The following DNAAF1 variants were observed in gnomAD, a reference collection of about 807,000 sequenced individuals.
DNAAF1 encodes the protein dynein assembly factor 1, axonemal.
Under a neutral mutation model 71.1 loss-of-function variants are expected in DNAAF1, and 65 were observed. The ratio of observed to expected loss-of-function variants is 0.91; its 90% CI spans 0.75 to 1.12. DNAAF1 has a LOEUF of 1.12. Ranked by LOEUF, DNAAF1 falls within the 50% of genes most tolerant of loss-of-function variation. The pLI is 0.00. For missense variants in DNAAF1, 1,178 were observed against 899.8 expected (o/e 1.31, Z -3.96); for synonymous variants, 414 against 354.6 (o/e 1.17, Z -1.88).
In DNAAF1 at chr16:84,176,258, G is replaced by A; in HGVS notation, c.2024G>A (p.Ser675Asn). The A allele has an allele frequency of 1.2e-6, 2 of 1,613,442 alleles. No individual in the cohort carries two copies. The highest frequency in any genetic ancestry group is 2.2e-5 in the East Asian group (1 of 44,856). ...AGAGATGCTGCACCACTCACTTCCA[G>A]TGGAGACAGGGACAGCGACTTCCTT... ...CQRDAAPLTS[S>N]GDRDSDFLAA... Residue 675 changes from serine (S) to asparagine (N), a missense_variant, in exon 11 of 12, where the codon AGT becomes AAT. Physicochemically the swap from Ser to Asn is conservative, Grantham distance 46. Coordinates refer to ENST00000378553, the MANE Select transcript of DNAAF1 (RefSeq NM_178452.6).
intron 3 of DNAAF1, among the ~76,000 whole-genome samples, chr16:84,153,511 C>A (rs1004547930): frequency 2.6e-5 from 4 of 152,108 alleles, no homozygotes; most frequent in African/African-American, 4.8e-5. Context: ...TTAAATATTA[C>A]TTGTGCTTAT....
intron 5 of DNAAF1, among the ~76,000 whole-genome samples, chr16:84,157,510 CA>C (rs59707812): frequency 0.15 from 12,159 of 82,338 alleles, 476 homozygotes; most frequent in South Asian, 0.27. Context: ...GACACTGTGT[CA>C]AAAAAAAAAA....
chr16:84,146,423 G>A (rs1317064638), intron 1 of DNAAF1, among the ~76,000 whole-genome samples: 1 of 151,996 alleles, frequency 6.6e-6, no homozygotes, highest in Non-Finnish European at 1.5e-5. Context: ...GGACTTGAAA[G>A]ATAACCTTCA....
At chr16:84,171,222 G>C (rs1351961872) in intron 8 of DNAAF1, among the ~76,000 whole-genome samples, 3 of 152,162 alleles carry the variant, frequency 2.0e-5, no homozygotes, top group African/African-American at 7.2e-5. Context: ...GATTGCTTGA[G>C]GCCGGGAGTT....
At chr16:84,172,230 C>CT in intron 8 of DNAAF1, 30 bp from the exon 9 acceptor site, 1 of 1,607,976 alleles carries the variant, frequency 6.2e-7, no homozygotes, top group Non-Finnish European at 8.5e-7. Flanking sequence ...GTGTGTTAAA[C>CT]TAACTCCAAG....
rs769871643 is a variant in DNAAF1 at position 84,155,763 on chromosome 16, AC to A, written c.741+15del. On this transcript the variant is annotated intron_variant, in intron 5 of 11. Transcript: ENST00000378553. Reference sequence around the variant, plus strand: ...ATGCCCGATTTGGTAAAAAACAAAAACAAAAACAACGAAAAAGCACCACAGG... The same window carrying A: ...ATGCCCGATTTGGTAAAAAACAAAAAAAAAACAACGAAAAAGCACCACAGG... 2 of 1,613,966 alleles carry A rather than the reference AC, an allele frequency of 1.2e-6. No individual in the cohort carries two copies. Among genetic ancestry groups the A allele is most frequent in the Non-Finnish European group, 1.7e-6 (2 of 1,179,984 alleles).
At chr16:84,169,732 C>CT in intron 7 of DNAAF1, 127 bp from the exon 8 acceptor site, 1 of 1,420,110 alleles carries the variant, frequency 7.0e-7, no homozygotes, top group South Asian at 1.2e-5. Context: ...CTTGAGGACA[C>CT]TTTTTTAACT....
chr16:84,172,443 C>T, intron 9 of DNAAF1, 68 bp downstream of exon 9: 1 of 1,582,910 alleles, frequency 6.3e-7, no homozygotes, highest in African/African-American at 1.3e-5. Context: ...TAATCAGATG[C>T]AGACTTTGGA....
At chr16:84,164,401 G>C (rs1385541083) in intron 6 of DNAAF1, among the ~76,000 whole-genome samples, 2 of 152,108 alleles carry the variant, frequency 1.3e-5, no homozygotes, top group East Asian at 1.9e-4. Flanking sequence ...AAAACCCTCT[G>C]TGCTCTGCTT....
chr16:84,173,065 C>T, intron 9 of DNAAF1: 6 of 988,376 alleles, frequency 6.1e-6, no homozygotes, highest in Non-Finnish European at 7.2e-6. Context: ...GTACCTCTGA[C>T]CTTATACCTT....
chr16:84,164,205 T>C (rs551387554), intron 6 of DNAAF1, among the ~76,000 whole-genome samples: 1 of 149,930 alleles, frequency 6.7e-6, no homozygotes, highest in Non-Finnish European at 1.5e-5. Context: ...CCCCTATTTG[T>C]AACGTCTTAC....
chr16:84,150,212 A>G (rs764856154), intron 2 of DNAAF1, 39 bp from the exon 3 acceptor site: 10 of 1,476,936 alleles, frequency 6.8e-6, no homozygotes, highest in African/African-American at 1.4e-5. Context: ...ACAGCTGACA[A>G]TTTGCAATAA....
chr16:84,156,851 C>CT (rs778916785), intron 5 of DNAAF1, among the ~76,000 whole-genome samples: 19,177 of 111,870 alleles, frequency 0.17, 2,164 homozygotes, highest in East Asian at 0.22. Context: ...TTCTTTCTTT[C>CT]TTTTTTTTTT....
chr16:84,170,492 A>T, intron 8 of DNAAF1, 136 bp downstream of exon 8: 3 of 1,384,670 alleles, frequency 2.2e-6, no homozygotes, highest in Non-Finnish European at 3.0e-6. Context: ...AATGGACACT[A>T]GTTATCTTGT....
At chr16:84,155,124 G>A (rs528404340) in intron 4 of DNAAF1, among the ~76,000 whole-genome samples, 23 of 152,282 alleles carry the variant, frequency 1.5e-4, no homozygotes, top group South Asian at 4.1e-4. Context: ...TAGCCAGGAT[G>A]GTCTCGATCT....
rs1159320036 is a variant in DNAAF1 at position 84,172,869 on chromosome 16, C to T, written c.1644+494C>T. On this transcript the variant is annotated intron_variant, in intron 9 of 11. Transcript: ENST00000378553. ...TCATGGAGGTGTGACGGTTCAGTGTCCCATCCCCTTGAGTGAATGTTTGAT... is the reference window on the plus strand; with the variant it reads ...TCATGGAGGTGTGACGGTTCAGTGTTCCATCCCCTTGAGTGAATGTTTGAT... The T allele has an allele frequency of 5.9e-6, 6 of 1,022,916 alleles. No individual in the cohort carries two copies. In the East Asian group the frequency reaches 5.2e-4, roughly 89 times the overall value. The allele number at this position is 1,022,916 out of a possible 1,614,324, so 63.4% of individuals were successfully genotyped here. A position where few individuals can be genotyped will look rare whatever the true frequency, so the allele number is the denominator to read the frequency against.
At chr16:84,152,922 A>G (rs1567538785) in intron 3 of DNAAF1, among the ~76,000 whole-genome samples, 1 of 150,538 alleles carries the variant, frequency 6.6e-6, no homozygotes, top group Non-Finnish European at 1.5e-5. Flanking sequence ...GTGCAATTGC[A>G]CTCCAGCCTG....
chr16:84,171,451 C>T (rs1278992613), intron 8 of DNAAF1, among the ~76,000 whole-genome samples: 1 of 152,042 alleles, frequency 6.6e-6, no homozygotes, highest in Non-Finnish European at 1.5e-5. Context: ...GACCCTGTAT[C>T]AACAAAATAA....
At chr16:84,168,030 AC>A (rs200668848) in intron 7 of DNAAF1, among the ~76,000 whole-genome samples, 44 of 151,162 alleles carry the variant, frequency 2.9e-4, no homozygotes, top group East Asian at 1.8e-3. Flanking sequence ...AAAAAAAAAA[AC>A]CCCACAAATC....
Sources: allele counts gnomAD v4.1 joint callset (sites outside exome capture counted in the v4.1 genomes callset), GRCh38; gene constraint gnomAD v4.1.1; transcripts MANE v1.5; gene names NCBI Gene and HGNC (gene_info 2026-07-23, HGNC 2026-07-21).